The following ZMYM2 variants were observed in gnomAD, a reference collection of about 807,000 sequenced individuals.
The protein encoded by ZMYM2 is zinc finger MYM-type containing 2.
A neutral mutation model predicts 162.8 loss-of-function variants in ZMYM2; 56 were observed. The observed-to-expected ratio is 0.34, with a 90% CI of 0.28 to 0.43. ZMYM2 has a LOEUF of 0.43. Among genes scored for constraint, ZMYM2 ranks in the 20% least tolerant of loss-of-function variants. The pLI is 1.00. For synonymous variants in ZMYM2, 510 were observed against 541.6 expected (o/e 0.94, Z 0.81); for missense variants, 1,275 against 1,621.8 (o/e 0.79, Z 3.67).
chr13:20,046,744 CT>C (rs555515344), intron 12 of ZMYM2, among the ~76,000 whole-genome samples: 1 of 150,534 alleles, frequency 6.6e-6, no homozygotes, highest in African/African-American at 2.4e-5. Flanking sequence ...ATTTGTTTCC[CT>C]TTTTTTGGGA....
At chr13:19,932,607 T>A in the ZMYM2 span, among the ~76,000 whole-genome samples, 3 of 151,542 alleles carry the variant, frequency 2.0e-5, no homozygotes, top group African/African-American at 7.3e-5. Context: ...GATCATAGCA[T>A]TGCACTCCAG....
the ZMYM2 span, among the ~76,000 whole-genome samples, chr13:19,875,653 TTA>T: frequency 8.6e-6 from 1 of 116,778 alleles, no homozygotes; most frequent in African/African-American, 3.2e-5. Flanking sequence ...AAAAAAAAAA[TTA>T]TGTTATTGTT....
chr13:20,084,658 AT>A lies in ZMYM2; in HGVS notation c.3941+890del, dbSNP rs1228804847. The stretch of plus-strand genomic sequence containing the variant: ...ATGAAAAATGGAATCATGTTCTGGA[AT>A]TTTTTTTCCCCTCAATCTCAGACCA... On this transcript the variant is annotated intron_variant, in intron 24 of 24. Coordinates refer to ENST00000610343, the MANE Select transcript of ZMYM2 (RefSeq NM_197968.4). Among the ~76,000 whole-genome samples, 9 of 152,244 alleles carry A rather than the reference AT, an allele frequency of 5.9e-5. No homozygotes were observed. The East Asian group carries it at 1.5e-3, about 26-fold the overall frequency.
At chr13:19,897,211 C>CA in the ZMYM2 span, among the ~76,000 whole-genome samples, 4 of 151,628 alleles carry the variant, frequency 2.6e-5, no homozygotes, top group African/African-American at 9.7e-5. Flanking sequence ...AAATTAGAGA[C>CA]AAAAAAAGTT....
chr13:20,048,288 ATT>A (rs66512740), intron 12 of ZMYM2, among the ~76,000 whole-genome samples: 12 of 151,582 alleles, frequency 7.9e-5, no homozygotes, highest in South Asian at 4.1e-4. Flanking sequence ...AGCTATATCC[ATT>A]TTTTTTAAAA....
At chr13:19,865,995 C>T in the ZMYM2 span, among the ~76,000 whole-genome samples, 3 of 50,062 alleles carry the variant, frequency 6.0e-5, no homozygotes, top group African/African-American at 1.2e-4. Flanking sequence ...AGATAAGTTA[C>T]TTAAACTCAG....
At chr13:19,987,325 G>A (rs59030139) in intron 2 of ZMYM2, among the ~76,000 whole-genome samples, 4 of 151,530 alleles carry the variant, frequency 2.6e-5, no homozygotes, top group East Asian at 2.0e-4. Flanking sequence ...GTGCAGTGGC[G>A]CAATCTCGGC....
chr13:19,925,700 C>T, the ZMYM2 span, among the ~76,000 whole-genome samples: 4 of 150,932 alleles, frequency 2.7e-5, no homozygotes, highest in African/African-American at 9.7e-5. Flanking sequence ...TGGTGAAACC[C>T]CATCTACACT....
chr13:19,884,412 C>T, the ZMYM2 span, among the ~76,000 whole-genome samples: 1 of 152,082 alleles, frequency 6.6e-6, no homozygotes, highest in Non-Finnish European at 1.5e-5. Context: ...CCATCTATGA[C>T]TAACGATACA....
intron 12 of ZMYM2, among the ~76,000 whole-genome samples, chr13:20,045,014 C>T (rs931032369): frequency 1.2e-4 from 16 of 136,956 alleles, no homozygotes; most frequent in Non-Finnish European, 1.8e-4. Flanking sequence ...GGCACCACTA[C>T]ACTCCAGCCC....
intron 2 of ZMYM2, among the ~76,000 whole-genome samples, chr13:19,989,057 C>T (rs1004994210): frequency 5.3e-5 from 8 of 152,098 alleles, no homozygotes; most frequent in African/African-American, 1.9e-4. Flanking sequence ...TCTGCCCTTC[C>T]TAGCAAACTA....
At chr13:19,960,492 A>G (rs1034014939) in intron 2 of ZMYM2, among the ~76,000 whole-genome samples, 11 of 152,336 alleles carry the variant, frequency 7.2e-5, no homozygotes, top group South Asian at 6.2e-4. Flanking sequence ...CTGGAAACAC[A>G]TATTTTGACA....
At chr13:20,007,674 G>A (rs1442036690) in intron 6 of ZMYM2, among the ~76,000 whole-genome samples, 1 of 146,266 alleles carries the variant, frequency 6.8e-6, no homozygotes, top group Non-Finnish European at 1.5e-5. Context: ...AGGCTGGAGT[G>A]CATTGGCGTA....
At chr13:20,057,928 C>T (rs1955932606) in intron 14 of ZMYM2, among the ~76,000 whole-genome samples, 1 of 152,140 alleles carries the variant, frequency 6.6e-6, no homozygotes, top group Non-Finnish European at 1.5e-5. Context: ...CCCTTACGCT[C>T]ATATCTTCCA....
chr13:19,970,873 G>A (rs888005668), intron 2 of ZMYM2, among the ~76,000 whole-genome samples: 1 of 152,116 alleles, frequency 6.6e-6, no homozygotes, highest in Admixed American at 6.6e-5. Context: ...TGAGACCAGC[G>A]ATGGATTAGT....
the ZMYM2 span, among the ~76,000 whole-genome samples, chr13:19,878,517 C>CAT: frequency 1.0e-5 from 1 of 99,030 alleles, no homozygotes; most frequent in Non-Finnish European, 2.1e-5. Context: ...TTCCTTTGCC[C>CAT]TTTTTTTTTT....
At chr13:19,904,723 A>ATC in the ZMYM2 span, among the ~76,000 whole-genome samples, 1 of 152,194 alleles carries the variant, frequency 6.6e-6, no homozygotes, top group Non-Finnish European at 1.5e-5. Context: ...TTTCCTGGAT[A>ATC]TCTCTTTATA....
chr13:20,032,595 CTGTCTTT>C lies in ZMYM2; in HGVS notation c.1968+1162_1968+1168del, dbSNP rs1339521926. The stretch of plus-strand genomic sequence containing the variant: ...AGAACTGGATTACATGATTTTTTTT[CTGTCTTT>C]TTTTTTTTTTTTTTTTTTTTTTTTG... On this transcript the variant is annotated intron_variant, in intron 10 of 24. Coordinates refer to ENST00000610343, the MANE Select transcript of ZMYM2 (RefSeq NM_197968.4). 1.3e-4 allele frequency among the ~76,000 whole-genome samples: 13 copies of C among 96,370 alleles called. 1 individual carries two copies. The highest frequency in any genetic ancestry group is 2.6e-4 in the Non-Finnish European group (12 of 45,862). The allele number at this position is 96,370 out of a possible 152,430, so 63.2% of individuals were successfully genotyped here. A position where few individuals can be genotyped will look rare whatever the true frequency, so the allele number is the denominator to read the frequency against.
At chr13:20,044,711 A>G (rs191872668) in intron 12 of ZMYM2, among the ~76,000 whole-genome samples, 1 of 152,324 alleles carries the variant, frequency 6.6e-6, no homozygotes, top group Non-Finnish European at 1.5e-5. Context: ...ATAACATGGA[A>G]AACCATCTCA....
Sources: gnomAD v4.1 joint callset for allele counts (sites outside exome capture counted in the v4.1 genomes callset) on GRCh38, gnomAD v4.1.1 for gene constraint, MANE v1.5 for transcripts, NCBI Gene and HGNC (gene_info 2026-07-23, HGNC 2026-07-21) for gene names.